TLN2: variants seen among roughly 807,000 people sequenced by gnomAD.
The protein encoded by TLN2 is talin-2.
TLN2 carries 118 observed loss-of-function variants against 294.7 expected under a neutral mutation model. That is an observed-to-expected ratio of 0.40 (90% confidence interval 0.34 to 0.47). TLN2 has a LOEUF of 0.47. Ranked by LOEUF, TLN2 falls within the 20% of genes least tolerant of loss-of-function variation. TLN2 has a pLI of 0.84. For missense variants in TLN2, 3,083 were observed against 3,282.2 expected (o/e 0.94, Z 1.48); for synonymous variants, 1,431 against 1,304.5 (o/e 1.10, Z -2.09).
chr15:62,646,352 C>T (rs1368457835), intron 3 of TLN2, among the ~76,000 whole-genome samples: 9 of 151,968 alleles, frequency 5.9e-5, no homozygotes, highest in East Asian at 5.8e-4. Context: ...TAATAGAGAC[C>T]GTGTTTCACC....
rs907751570 is a variant in TLN2 at position 62,821,531 on chromosome 15, C to A, written c.7002+921C>A. Among the ~76,000 whole-genome samples, 39 of 152,324 alleles carry A rather than the reference C, an allele frequency of 2.6e-4. No individual in the cohort carries two copies. The Middle Eastern group carries it at 0.01, about 40-fold the overall frequency. On this transcript the variant is annotated intron_variant, in intron 54 of 58. Coordinates refer to ENST00000636159, the MANE Select transcript of TLN2 (RefSeq NM_015059.3). ...GGGCCCTGAAACAGAGCAGACCACT[C>A]AAAAGCAGTGCCTGGGCCAGTGTAG...
chr15:62,526,475 G>A (rs1055632711), intron 1 of TLN2, among the ~76,000 whole-genome samples: 3 of 152,098 alleles, frequency 2.0e-5, no homozygotes, highest in South Asian at 2.1e-4. Context: ...CTTCGCTTCC[G>A]CATCTCCTCA....
intron 1 of TLN2, among the ~76,000 whole-genome samples, chr15:62,501,961 G>T (rs758223340): frequency 6.6e-6 from 1 of 152,172 alleles, no homozygotes; most frequent in Non-Finnish European, 1.5e-5. Context: ...TATAGTTTGG[G>T]CACCTTGGTA....
At chr15:62,459,415 G>A (rs1218000078) in intron 1 of TLN2, among the ~76,000 whole-genome samples, 2 of 151,662 alleles carry the variant, frequency 1.3e-5, no homozygotes, top group African/African-American at 2.4e-5. Flanking sequence ...TTTAAAAGGG[G>A]CTGTGTCTTA....
intron 12 of TLN2, among the ~76,000 whole-genome samples, chr15:62,687,103 C>A (rs2057348617): frequency 6.6e-6 from 1 of 152,198 alleles, no homozygotes; most frequent in Non-Finnish European, 1.5e-5. Flanking sequence ...CTGATGACAT[C>A]CCTAGCATAT....
Position 62,701,120 on chromosome 15 carries a change from G to A in TLN2, c.1602G>A (p.Trp534Ter). Residue 534 changes from tryptophan to a stop codon, truncating the protein, a stop_gained, in exon 17 of 59, where the codon TGG becomes TGA. Transcript: ENST00000636159. LOFTEE classifies it high-confidence loss of function. ...TGGCTTTGCAGGCATCTAGGGTATG[G>A]GTTCAGAACAAAGTCGACGAATCCA... ...PLGQDMASRV[W>*]VQNKVDESKH... The A allele has an allele frequency of 1.2e-6, 2 of 1,614,048 alleles. No individual in the cohort carries two copies. The highest frequency in any genetic ancestry group is 1.7e-6 in the Non-Finnish European group (2 of 1,180,014).
At chr15:62,615,649 A>G (rs2048256578) in intron 2 of TLN2, among the ~76,000 whole-genome samples, 2 of 152,320 alleles carry the variant, frequency 1.3e-5, no homozygotes, top group South Asian at 4.1e-4. Flanking sequence ...GTATGTATGT[A>G]GTTTATATCA....
chr15:62,825,867 T>TATATA (rs1312943478), intron 54 of TLN2, among the ~76,000 whole-genome samples: 14 of 98,554 alleles, frequency 1.4e-4, no homozygotes, highest in African/African-American at 6.5e-4. Context: ...TATATATATA[T>TATATA]TTATATATAT....
chr15:62,837,724 A>G (rs1183088886), intron 57 of TLN2, among the ~76,000 whole-genome samples: 1 of 152,212 alleles, frequency 6.6e-6, no homozygotes, highest in Non-Finnish European at 1.5e-5. Context: ...AAAGTGGGCT[A>G]AAGATTTCTG....
intron 28 of TLN2, among the ~76,000 whole-genome samples, chr15:62,731,248 C>G (rs760675286): frequency 3.3e-5 from 5 of 150,956 alleles, no homozygotes; most frequent in Non-Finnish European, 5.9e-5. Context: ...ATCCTAATAT[C>G]TGGATAGCCT....
In TLN2 at chr15:62,642,435, C is replaced by G. The variant is rs532175841; in HGVS notation, c.-36-4840C>G. Among the ~76,000 whole-genome samples the G allele has an allele frequency of 5.9e-5, 9 of 152,338 alleles. No homozygotes were observed. The South Asian group carries it at 1.9e-3, about 32-fold the overall frequency. The stretch of plus-strand genomic sequence containing the variant: ...ACCTCAGAGTCTGCACCATGAAAAG[C>G]CCGGAGAGGGGTTCGGGTGCAGAAG... On this transcript the variant is annotated intron_variant, in intron 3 of 58. Transcript: ENST00000636159.
chr15:62,662,395 T>C (rs538501198), intron 9 of TLN2, among the ~76,000 whole-genome samples: 54 of 152,210 alleles, frequency 3.5e-4, no homozygotes, highest in African/African-American at 1.3e-3. Context: ...GTAAAGCTCC[T>C]CTCCTTAATT....
chr15:62,765,916 G>A (rs1020136020), intron 40 of TLN2, among the ~76,000 whole-genome samples: 4 of 152,166 alleles, frequency 2.6e-5, no homozygotes, highest in Admixed American at 6.5e-5. Flanking sequence ...GGGGTTATTA[G>A]TTCTGAGAAT....
chr15:62,600,094 G>C (rs1302353928), intron 2 of TLN2, among the ~76,000 whole-genome samples: 1 of 152,174 alleles, frequency 6.6e-6, no homozygotes, highest in Non-Finnish European at 1.5e-5. Flanking sequence ...ATTTCCCGCT[G>C]AGTTGATGTG....
chr15:62,737,788 T>C (rs1490300775), intron 29 of TLN2, among the ~76,000 whole-genome samples: 1 of 152,178 alleles, frequency 6.6e-6, no homozygotes, highest in Non-Finnish European at 1.5e-5. Context: ...GGCCTTCTAA[T>C]TGTGATCCAA....
intron 5 of TLN2, among the ~76,000 whole-genome samples, chr15:62,650,593 A>G (rs12903725): frequency 0.63 from 96,373 of 151,984 alleles, 31,309 homozygotes; most frequent in Middle Eastern, 0.8. Context: ...AGAAACTTCA[A>G]TTTGAGATGT....
chr15:62,606,512 T>G (rs369587515), intron 2 of TLN2, among the ~76,000 whole-genome samples: 2 of 152,190 alleles, frequency 1.3e-5, no homozygotes, highest in East Asian at 1.9e-4. Context: ...AGTATTTGAT[T>G]TCCCCCATGG....
chr15:62,739,416 C>T lies in TLN2; in HGVS notation c.3756C>T (p.Asn1252=), dbSNP rs752004738. Residue 1252 remains asparagine, a synonymous_variant, in exon 31 of 59, where the codon AAC becomes AAT. Coordinates refer to ENST00000636159, the MANE Select transcript of TLN2 (RefSeq NM_015059.3). Reference sequence around the variant, plus strand: ...TGAACCAGGCAGCAGCTGATCTGAACCAGTCTGCTGGGGAAGTGGTCCATG... The same window carrying T: ...TGAACCAGGCAGCAGCTGATCTGAATCAGTCTGCTGGGGAAGTGGTCCATG... ...SELNQAAADL[N]QSAGEVVHAT... is the part of the protein sequence containing the mutation. 6.2e-7 allele frequency: 1 copy of T among 1,614,074 alleles called. No individual in the cohort carries two copies. The highest frequency in any genetic ancestry group is 1.7e-5 in the Admixed American group (1 of 60,014).
chr15:62,792,919 C>A, intron 46 of TLN2, 132 bp downstream of exon 46: 2 of 1,398,754 alleles, frequency 1.4e-6, no homozygotes, highest in Non-Finnish European at 9.6e-7. Flanking sequence ...TCCCGATCTT[C>A]CCCACTGCCC....
Sources: gnomAD v4.1 joint callset for allele counts (sites outside exome capture counted in the v4.1 genomes callset) on GRCh38, gnomAD v4.1.1 for gene constraint, MANE v1.5 for transcripts, NCBI Gene and HGNC (gene_info 2026-07-23, HGNC 2026-07-21) for gene names.